Variants in NT5DC4 observed in about 807,000 individuals in gnomAD.
NT5DC4 encodes 5'-nucleotidase domain-containing protein 4.
Under a neutral mutation model 26.6 loss-of-function variants are expected in NT5DC4, and 44 were observed. The observed-to-expected ratio is 1.65, with a 90% CI of 1.30 to 2.13. The LOEUF is 2.13. Ranked by LOEUF, NT5DC4 falls within the 30% of genes most tolerant of loss-of-function variation. NT5DC4 has a pLI of 0.00. For synonymous variants in NT5DC4, 157 were observed against 86.7 expected (o/e 1.81, Z -4.51); for missense variants, 399 against 228.1 (o/e 1.75, Z -4.83).
chr2:112,728,605 G>A lies in NT5DC4; in HGVS notation c.1267-1022G>A, dbSNP rs377432215. ...AGCTAGACCTCTGAGGCTCCCTGTC[G>A]CCTGCCTTCCCTGCTGCCCTTGGCT... On this transcript the variant is annotated intron_variant, in intron 15 of 16. Coordinates refer to ENST00000688554, the MANE Select transcript of NT5DC4 (RefSeq NM_001393655.1). Among the ~76,000 whole-genome samples, 23 of 152,198 alleles carry A rather than the reference G, an allele frequency of 1.5e-4. 2 individuals carry two copies. Among genetic ancestry groups the A allele is most frequent in the Admixed American group, 1.1e-3 (17 of 15,282 alleles).
chr2:112,730,531 C>T (rs1160065796), intron 16 of NT5DC4, among the ~76,000 whole-genome samples: 2 of 152,128 alleles, frequency 1.3e-5, no homozygotes, highest in Admixed American at 6.5e-5. Context: ...GTGGCTCTAG[C>T]TTCAGATCCC....
chr2:112,734,286 T>A (rs1014505266), intron 16 of NT5DC4, among the ~76,000 whole-genome samples: 1 of 151,990 alleles, frequency 6.6e-6, no homozygotes, highest in Non-Finnish European at 1.5e-5. Context: ...TTGGTTCATA[T>A]AACTAAAAAG....
chr2:112,723,981 C>G, intron 9 of NT5DC4, 113 bp from the exon 10 acceptor site: 1 of 706,224 alleles, frequency 1.4e-6, no homozygotes, highest in Non-Finnish European at 2.6e-6. Context: ...GAATGAGCAA[C>G]TTTCTCACCA....
intron 16 of NT5DC4, among the ~76,000 whole-genome samples, chr2:112,734,970 G>C (rs982581642): frequency 6.6e-6 from 1 of 150,580 alleles, no homozygotes; most frequent in Non-Finnish European, 1.5e-5. Flanking sequence ...GATTATAGGC[G>C]TGAGCCACCG....
chr2:112,721,991 A>G lies in NT5DC4; in HGVS notation c.154A>G (p.Lys52Glu), dbSNP rs114545860. 3,101 of 717,218 alleles carry G rather than the reference A, an allele frequency of 4.3e-3. 67 individuals are homozygous for G. In the African/African-American group the frequency reaches 0.045, roughly 10 times the overall value. 44.4% of individuals were successfully genotyped at this position (717,218 alleles called of 1,614,324 possible). A position where few individuals can be genotyped will look rare whatever the true frequency, so the allele number is the denominator to read the frequency against. ...FDMDYTLAAY[K>E]SPAYEALTFE... ...TTCTGTCCGGGCCTCTGCAGCCTACAAGTCCCCAGCTTATGAGGCCCTGAC... is the reference window on the plus strand; with the variant it reads ...TTCTGTCCGGGCCTCTGCAGCCTACGAGTCCCCAGCTTATGAGGCCCTGAC... Residue 52 changes from lysine (K) to glutamate (E), a missense_variant, in exon 3 of 17, where the codon AAG (lysine) becomes GAG (glutamate). Physicochemically the swap from Lys to Glu is moderately conservative, Grantham distance 56. Transcript: ENST00000688554.
At position 112,725,169 on chromosome 2, in the gene NT5DC4, T is replaced by C; in HGVS notation, c.916-5T>C. 1.4e-6 allele frequency: 1 copy of C among 715,366 alleles called. No individual in the cohort carries two copies. Among genetic ancestry groups the C allele is most frequent in the Non-Finnish European group, 2.6e-6 (1 of 383,684 alleles). 44.3% of individuals were successfully genotyped at this position (715,366 alleles called of 1,614,324 possible). ...TGGCTCCAGGGCACCCCTCTGCCCCTCCAGGACTCAGGAAAGCTCCACGTG... is the reference window on the plus strand; with the variant it reads ...TGGCTCCAGGGCACCCCTCTGCCCCCCCAGGACTCAGGAAAGCTCCACGTG... On this transcript the variant is annotated splice_region_variant and splice_polypyrimidine_tract_variant and intron_variant, in intron 11 of 16. Coordinates refer to ENST00000688554, the MANE Select transcript of NT5DC4 (RefSeq NM_001393655.1).
chr2:112,736,596 C>T (rs569301797), intron 16 of NT5DC4: 36 of 152,268 alleles, frequency 2.4e-4, no homozygotes, highest in African/African-American at 8.4e-4. Flanking sequence ...CTGCATCTCC[C>T]CATTTCCTCT....
chr2:112,739,396 G>C (rs1450498790), downstream of NT5DC4, among the ~76,000 whole-genome samples: 4 of 152,152 alleles, frequency 2.6e-5, no homozygotes, highest in Non-Finnish European at 4.4e-5. Flanking sequence ...ACTCCAGTCT[G>C]GGCAACATGG....
At chr2:112,720,681 A>G (rs934978518), upstream of NT5DC4, among the ~76,000 whole-genome samples, 1 of 152,232 alleles carries the variant, frequency 6.6e-6, no homozygotes. Context: ...AGAATTGTGC[A>G]TAAAGCAAGA....
Position 112,732,982 on chromosome 2 carries a change from G to A in NT5DC4, c.1344+3278G>A, listed in dbSNP as rs563509468. 9.2e-5 allele frequency among the ~76,000 whole-genome samples: 14 copies of A among 152,262 alleles called. No homozygotes were observed. In the East Asian group the frequency reaches 1.3e-3, roughly 15 times the overall value. ...AAAGGTAATGTCCTTTTGGCTCACC[G>A]TTGTGTCTCTGGCATCTACGTACCT... On this transcript the variant is annotated intron_variant, in intron 16 of 16. Transcript: ENST00000688554.
intron 15 of NT5DC4, 197 bp downstream of exon 15, chr2:112,726,935 T>A: frequency 1.6e-6 from 1 of 610,388 alleles, no homozygotes; most frequent in East Asian, 2.8e-5. Context: ...AGCGGTACCC[T>A]CTTGAAGGGC....
At chr2:112,726,580 G>C (rs534095841) in intron 14 of NT5DC4, 98 bp from the exon 15 acceptor site, 2 of 709,978 alleles carry the variant, frequency 2.8e-6, no homozygotes, top group Non-Finnish European at 5.3e-6. Context: ...TGCCCGCACG[G>C]TGTCCCCCCA....
chr2:112,741,333 G>C (rs1377543980), downstream of NT5DC4, among the ~76,000 whole-genome samples: 1 of 151,826 alleles, frequency 6.6e-6, no homozygotes, highest in African/African-American at 2.4e-5. Context: ...CTAATCACTG[G>C]CCTTCTACCC....
intron 12 of NT5DC4, 58 bp downstream of exon 12, chr2:112,725,298 A>T: frequency 1.4e-6 from 1 of 693,586 alleles, no homozygotes; most frequent in South Asian, 1.5e-5. Flanking sequence ...CTCGACTAGG[A>T]GCCCAGGCCC....
downstream of NT5DC4, chr2:112,740,704 G>T: frequency 2.5e-6 from 2 of 798,532 alleles, no homozygotes; most frequent in Non-Finnish European, 4.1e-6. Flanking sequence ...GACTCTGGCA[G>T]CACCTTCCTC....
At chr2:112,731,776 T>A (rs1383189517) in intron 16 of NT5DC4, 14 of 152,176 alleles carry the variant, frequency 9.2e-5, no homozygotes, top group Admixed American at 9.2e-4. Flanking sequence ...AATCTGCATG[T>A]TTGAAATGAC....
intron 15 of NT5DC4, among the ~76,000 whole-genome samples, chr2:112,729,364 C>T (rs12475027): frequency 0.42 from 63,292 of 152,062 alleles, 14,023 homozygotes; most frequent in East Asian, 0.69. Flanking sequence ...TCAAGTGATC[C>T]GCCTGCCTCG....
chr2:112,722,605 G>A lies in NT5DC4; in HGVS notation c.469+16G>A, dbSNP rs1233633698. The A allele has an allele frequency of 7.0e-6, 5 of 717,360 alleles. No homozygotes were observed. The highest frequency in any genetic ancestry group is 3.0e-5 in the South Asian group (2 of 67,608). The allele number at this position is 717,360 out of a possible 1,614,324, so 44.4% of individuals were successfully genotyped here. A position where few individuals can be genotyped will look rare whatever the true frequency, so the allele number is the denominator to read the frequency against. ...AACCTGCCTGGTGGGTGGAGGGTTG[G>A]GGGCACGGGAGGTGGTCCTGAGTTC... is the stretch of plus-strand genomic sequence containing the variant. On this transcript the variant is annotated intron_variant, in intron 5 of 16. Transcript: ENST00000688554.
intron 14 of NT5DC4, 144 bp downstream of exon 14, chr2:112,726,433 C>G: frequency 1.5e-6 from 1 of 671,100 alleles, no homozygotes; most frequent in South Asian, 1.7e-5. Flanking sequence ...CCCTAGCAAA[C>G]TGAATGTGGG....
Sources: gnomAD v4.1 joint callset for allele counts (sites outside exome capture counted in the v4.1 genomes callset) on GRCh38, gnomAD v4.1.1 for gene constraint, MANE v1.5 for transcripts, NCBI Gene and HGNC (gene_info 2026-07-23, HGNC 2026-07-21) for gene names.